The following RAPGEF5 variants were observed in gnomAD, a reference collection of about 807,000 sequenced individuals.
RAPGEF5 encodes Rap guanine nucleotide exchange factor 5.
Under a neutral mutation model 125.2 loss-of-function variants are expected in RAPGEF5, and 65 were observed. The observed-to-expected ratio is 0.52, with a 90% confidence interval of 0.43 to 0.64. The LOEUF is 0.64. Ranked by LOEUF, RAPGEF5 falls within the 30% of genes least tolerant of loss-of-function variation. The pLI, the probability that RAPGEF5 is intolerant of heterozygous loss-of-function variation, is 0.00. For missense variants in RAPGEF5, 958 were observed against 1,048.1 expected, an observed-to-expected ratio of 0.91 and a Z score of 1.19; for synonymous variants, 391 against 385.9, an observed-to-expected ratio of 1.01 and a Z score of -0.16.
intron 15 of RAPGEF5, among the ~76,000 whole-genome samples, chr7:22,157,253 G>A (rs1456633187): frequency 1.3e-5 from 2 of 152,136 alleles, no homozygotes; most frequent in Non-Finnish European, 2.9e-5. Context: ...CCGATCCTCT[G>A]CTATTACATT....
At chr7:22,353,523 T>G (rs1045459268) in intron 1 of RAPGEF5, among the ~76,000 whole-genome samples, 1 of 152,130 alleles carries the variant, frequency 6.6e-6, no homozygotes, top group Non-Finnish European at 1.5e-5. Flanking sequence ...CAAAAGTGTA[T>G]GGAGGGGGAA....
intron 13 of RAPGEF5, 30 bp from the exon 14 acceptor site, chr7:22,160,645 T>C: frequency 6.6e-7 from 1 of 1,509,750 alleles, no homozygotes; most frequent in Non-Finnish European, 8.8e-7. Flanking sequence ...GAGAGCTCAG[T>C]GGTTGAATGC....
chr7:22,152,143 T>C (rs756146020), intron 17 of RAPGEF5, among the ~76,000 whole-genome samples: 32 of 152,244 alleles, frequency 2.1e-4, no homozygotes, highest in Non-Finnish European at 3.5e-4. Flanking sequence ...ATGCAAAGTG[T>C]TGTTTTGAAC....
intron 8 of RAPGEF5, among the ~76,000 whole-genome samples, chr7:22,222,178 G>A (rs1473237088): frequency 6.6e-6 from 1 of 152,124 alleles, no homozygotes; most frequent in African/African-American, 2.4e-5. Flanking sequence ...ACATGGAGGT[G>A]GAGGTTGCAG....
chr7:22,356,752 C>G, intron 1 of RAPGEF5, 78 bp downstream of exon 1: 3 of 797,388 alleles, frequency 3.8e-6, no homozygotes, highest in Non-Finnish European at 4.7e-6. Context: ...CAGACGCCCC[C>G]CTCAGCGGCC....
chr7:22,252,469 C>T (rs1028511079), intron 7 of RAPGEF5, among the ~76,000 whole-genome samples: 1 of 152,200 alleles, frequency 6.6e-6, no homozygotes, highest in Non-Finnish European at 1.5e-5. Flanking sequence ...TAATTATTCA[C>T]CTCCTTGGCA....
intron 17 of RAPGEF5, among the ~76,000 whole-genome samples, chr7:22,152,344 G>A (rs1260845058): frequency 6.6e-6 from 1 of 152,142 alleles, no homozygotes; most frequent in African/African-American, 2.4e-5. Flanking sequence ...ATTTCTTGCA[G>A]CCCTTTCTGT....
At chr7:22,191,455 T>C in intron 11 of RAPGEF5, 1 of 424,996 alleles carries the variant, frequency 2.4e-6, no homozygotes, top group South Asian at 1.7e-5. Context: ...TGCAAAACTC[T>C]AAAGTTTCAT....
At chr7:22,196,481 G>C (rs560767814) in intron 9 of RAPGEF5, among the ~76,000 whole-genome samples, 1 of 152,310 alleles carries the variant, frequency 6.6e-6, no homozygotes, top group Non-Finnish European at 1.5e-5. Flanking sequence ...CAAATAGTGA[G>C]GGCTTGCTCC....
Position 22,145,030 on chromosome 7 carries a change from C to T in RAPGEF5, c.2186+14G>A. The T allele has an allele frequency of 6.2e-7, 1 of 1,610,764 alleles. No individual in the cohort carries two copies. The highest frequency in any genetic ancestry group is 8.5e-7 in the Non-Finnish European group (1 of 1,178,008). On this transcript the variant is annotated intron_variant, in intron 20 of 25. Coordinates refer to ENST00000665637, the MANE Select transcript of RAPGEF5 (RefSeq NM_012294.5). ...AAGACTAGAGGAATGGCACTTCTCA[C>T]ACTAGAAACTTACTGAGCCGCAATT...
intron 1 of RAPGEF5, among the ~76,000 whole-genome samples, chr7:22,320,900 T>C (rs1783702016): frequency 6.6e-6 from 1 of 152,188 alleles, no homozygotes; most frequent in Non-Finnish European, 1.5e-5. Flanking sequence ...CAATTTTCTC[T>C]GCAATCTTAG....
intron 7 of RAPGEF5, among the ~76,000 whole-genome samples, chr7:22,248,258 G>A (rs1286847814): frequency 6.6e-6 from 1 of 152,154 alleles, no homozygotes. Context: ...TGATGACACT[G>A]TCCATTTGGT....
At chr7:22,185,365 G>T (rs1784796600) in intron 11 of RAPGEF5, among the ~76,000 whole-genome samples, 1 of 152,156 alleles carries the variant, frequency 6.6e-6, no homozygotes, top group African/African-American at 2.4e-5. Context: ...AGCTAGAAGG[G>T]TCCTCAAATG....
chr7:22,202,713 C>A (rs928521610), intron 9 of RAPGEF5, among the ~76,000 whole-genome samples: 5 of 152,160 alleles, frequency 3.3e-5, no homozygotes, highest in Non-Finnish European at 7.3e-5. Context: ...CAGATGATGG[C>A]AGCCCTTCAA....
At chr7:22,344,476 C>T (rs1019886047) in intron 1 of RAPGEF5, among the ~76,000 whole-genome samples, 5 of 152,300 alleles carry the variant, frequency 3.3e-5, no homozygotes, top group South Asian at 2.1e-4. Context: ...AGGGACTGCC[C>T]AGGGTCAGCT....
At chr7:22,325,880 T>C (rs33951611) in intron 1 of RAPGEF5, among the ~76,000 whole-genome samples, 14,093 of 152,232 alleles carry the variant, frequency 0.093, 1,055 homozygotes, top group East Asian at 0.38. Flanking sequence ...TACTGAATGA[T>C]TTATGAGCTT....
At chr7:22,228,363 A>G (rs1401962512) in intron 8 of RAPGEF5, among the ~76,000 whole-genome samples, 3 of 152,206 alleles carry the variant, frequency 2.0e-5, no homozygotes, top group African/African-American at 7.2e-5. Context: ...GTTTAAATAC[A>G]TTAATAAAAA....
chr7:22,234,836 C>A (rs897093558), intron 7 of RAPGEF5, among the ~76,000 whole-genome samples: 3 of 151,486 alleles, frequency 2.0e-5, no homozygotes, highest in African/African-American at 7.3e-5. Flanking sequence ...AACAAACAAA[C>A]AACAACAACA....
At chr7:22,213,681 T>C (rs973177471) in intron 9 of RAPGEF5, among the ~76,000 whole-genome samples, 1 of 152,218 alleles carries the variant, frequency 6.6e-6, no homozygotes, top group African/African-American at 2.4e-5. Flanking sequence ...CTGGTTTCAA[T>C]GAGGTGATTT....
Sources: allele counts gnomAD v4.1 joint callset (sites outside exome capture counted in the v4.1 genomes callset), GRCh38; gene constraint gnomAD v4.1.1; transcripts MANE v1.5; gene names NCBI Gene and HGNC (gene_info 2026-07-23, HGNC 2026-07-21).